Variants in UBE2G1 observed in about 807,000 individuals in gnomAD.
The protein encoded by UBE2G1 is ubiquitin-conjugating enzyme E2 G1.
Under a neutral mutation model 22.7 loss-of-function variants are expected in UBE2G1, and 5 were observed. The ratio of observed to expected loss-of-function variants is 0.22; its 90% CI spans 0.12 to 0.46. UBE2G1 has a LOEUF of 0.46. Among genes scored for constraint, UBE2G1 ranks in the 20% least tolerant of loss-of-function variants. The pLI is 0.99. For missense variants in UBE2G1, 88 were observed against 203.9 expected (o/e 0.43, Z 3.46); for synonymous variants, 74 against 67.5 (o/e 1.10, Z -0.47).
At chr17:4,331,016 C>G (rs1969571298) in intron 1 of UBE2G1, among the ~76,000 whole-genome samples, 1 of 101,914 alleles carries the variant, frequency 9.8e-6, no homozygotes, top group Admixed American at 9.3e-5. Context: ...ACATTCCAAA[C>G]TGTCAAGGTG....
At chr17:4,327,193 G>T (rs1969512417) in intron 1 of UBE2G1, among the ~76,000 whole-genome samples, 1 of 152,194 alleles carries the variant, frequency 6.6e-6, no homozygotes, top group African/African-American at 2.4e-5. Context: ...CTACTCGGGA[G>T]GCTGAGGCAG....
chr17:4,332,745 C>T (rs151304381), intron 1 of UBE2G1, among the ~76,000 whole-genome samples: 4 of 152,334 alleles, frequency 2.6e-5, no homozygotes, highest in African/African-American at 4.8e-5. Context: ...CTCCCTCCAG[C>T]GTTCAGGTCA....
At chr17:4,273,522 T>G (rs916149848) in intron 5 of UBE2G1, among the ~76,000 whole-genome samples, 4 of 152,032 alleles carry the variant, frequency 2.6e-5, no homozygotes. Flanking sequence ...TAATTTTTTT[T>G]TGTAGAAACA....
intron 1 of UBE2G1, among the ~76,000 whole-genome samples, chr17:4,342,040 A>T (rs1969718335): frequency 6.6e-6 from 1 of 152,170 alleles, no homozygotes; most frequent in Non-Finnish European, 1.5e-5. Context: ...ATCCAACTTC[A>T]TAGTTTATAT....
chr17:4,309,120 C>G (rs956472260), intron 1 of UBE2G1, among the ~76,000 whole-genome samples: 8 of 152,138 alleles, frequency 5.3e-5, no homozygotes, highest in African/African-American at 1.9e-4. Context: ...ATTGGCCGGG[C>G]ATGGAGGCGG....
chr17:4,328,312 G>T (rs540129421), intron 1 of UBE2G1, among the ~76,000 whole-genome samples: 29 of 152,278 alleles, frequency 1.9e-4, no homozygotes, highest in South Asian at 1.7e-3. Context: ...TAAAGTAAAT[G>T]TACAAGGTGT....
Position 4,366,466 on chromosome 17 carries a change from G to T in UBE2G1, c.-150C>A. 1.4e-6 allele frequency: 1 copy of T among 698,322 alleles called. No homozygotes were observed. The highest frequency in any genetic ancestry group is 2.1e-6 in the Non-Finnish European group (1 of 479,466). The allele number at this position is 698,322 out of a possible 1,614,324, so 43.3% of individuals were successfully genotyped here. A position where few individuals can be genotyped will look rare whatever the true frequency, so the allele number is the denominator to read the frequency against. On this transcript the variant is annotated 5_prime_UTR_variant, in exon 1 of 6. Coordinates refer to ENST00000396981, the MANE Select transcript of UBE2G1 (RefSeq NM_003342.5). ...AAGGCCGGGCTGAGGCGGCGGGAGC[G>T]GCGCCTCGCTGCCGGTGCGAGTCCG...
At chr17:4,339,496 G>A (rs1044370424) in intron 1 of UBE2G1, among the ~76,000 whole-genome samples, 1 of 152,086 alleles carries the variant, frequency 6.6e-6, no homozygotes, top group African/African-American at 2.4e-5. Context: ...TAGAGACGGG[G>A]TTTCAGCATG....
rs1970012116 is a variant in UBE2G1, at chr17:4,364,667, C to CCTCCCGCGTTCAAGCAATT, written c.46+1585_46+1603dup. Among the ~76,000 whole-genome samples the CCTCCCGCGTTCAAGCAATT allele has an allele frequency of 2.0e-5, 3 of 151,530 alleles. No individual in the cohort carries two copies. The South Asian group carries it at 6.3e-4, about 32-fold the overall frequency. ...GCGATCTCAGCTCACTGCAACGATG[C>CCTCCCGCGTTCAAGCAATT]CTCCCGCGTTCAAGCAATTCTCCCG... On this transcript the variant is annotated intron_variant, in intron 1 of 5. Transcript: ENST00000396981.
At chr17:4,287,513 C>G (rs927408762) in intron 4 of UBE2G1, among the ~76,000 whole-genome samples, 3 of 152,120 alleles carry the variant, frequency 2.0e-5, no homozygotes, top group Non-Finnish European at 2.9e-5. Context: ...AGCTATCACC[C>G]CTTCTCCCTT....
intron 1 of UBE2G1, among the ~76,000 whole-genome samples, chr17:4,353,046 G>A (rs1481154256): frequency 7.9e-5 from 12 of 152,122 alleles, no homozygotes; most frequent in African/African-American, 2.4e-4. Flanking sequence ...GTGAAACCCC[G>A]TCTCTACTAA....
In UBE2G1 at chr17:4,320,732, A is replaced by G. The variant is rs111983251; in HGVS notation, c.47-13609T>C. On this transcript the variant is annotated intron_variant, in intron 1 of 5. Transcript: ENST00000396981. ...TCTCCAAAGACAACCACTGCTAACA[A>G]TTTGCTGTGTATTCTTTCAGACTTA... Among the ~76,000 whole-genome samples the G allele has an allele frequency of 1.2e-3, 181 of 152,252 alleles. 2 individuals are homozygous for G. The highest frequency in any genetic ancestry group is 4.1e-3 in the African/African-American group (172 of 41,540).
At chr17:4,311,223 T>C (rs1038508850) in intron 1 of UBE2G1, among the ~76,000 whole-genome samples, 3 of 152,074 alleles carry the variant, frequency 2.0e-5, no homozygotes, top group Non-Finnish European at 4.4e-5. Context: ...CCAGACCTTG[T>C]CTCAGTTTAA....
chr17:4,289,471 A>G, intron 3 of UBE2G1, 63 bp from the exon 4 acceptor site: 2 of 1,435,644 alleles, frequency 1.4e-6, no homozygotes, highest in Non-Finnish European at 1.8e-6. Context: ...TGAAATATCA[A>G]TTACAAATGT....
intron 3 of UBE2G1, among the ~76,000 whole-genome samples, chr17:4,291,476 A>T (rs1157387005): frequency 6.6e-6 from 1 of 151,864 alleles, no homozygotes; most frequent in Non-Finnish European, 1.5e-5. Context: ...TGTAATAAGG[A>T]TTTTTTCCAA....
intron 1 of UBE2G1, among the ~76,000 whole-genome samples, chr17:4,330,114 T>G (rs544315074): frequency 6.6e-6 from 1 of 152,026 alleles, no homozygotes; most frequent in East Asian, 1.9e-4. Flanking sequence ...CCATGAGTCA[T>G]GCATCTACGA....
At chr17:4,364,351 C>T (rs1446829337) in intron 1 of UBE2G1, 4 of 29,002 alleles carry the variant, frequency 1.4e-4, no homozygotes, top group South Asian at 3.0e-3. Flanking sequence ...AGTGCAGTGG[C>T]GCCATCTCGG....
chr17:4,328,199 T>C (rs1246472288), intron 1 of UBE2G1, among the ~76,000 whole-genome samples: 2 of 152,230 alleles, frequency 1.3e-5, no homozygotes, highest in Non-Finnish European at 2.9e-5. Flanking sequence ...TGATGGTTAA[T>C]CTGGTTCTCC....
chr17:4,366,216 C>T (rs1970033368), intron 1 of UBE2G1, 55 bp downstream of exon 1: 2 of 1,492,258 alleles, frequency 1.3e-6, no homozygotes, highest in Non-Finnish European at 8.9e-7. Context: ...AGGGACTGGG[C>T]TGCGGCTGTC....
Sources: allele counts gnomAD v4.1 joint callset (sites outside exome capture counted in the v4.1 genomes callset), GRCh38; gene constraint gnomAD v4.1.1; transcripts MANE v1.5; gene names NCBI Gene and HGNC (gene_info 2026-07-23, HGNC 2026-07-21).